The following XIRP2 variants were observed in gnomAD, a reference collection of about 807,000 sequenced individuals.
The protein encoded by XIRP2 is xin actin-binding repeat-containing protein 2.
In XIRP2, 236 loss-of-function variants were observed where a neutral mutation model predicts 277.0. That is an observed-to-expected ratio of 0.85 (90% CI 0.77 to 0.95). The LOEUF (loss-of-function observed/expected upper bound fraction) is 0.95, where lower values mean the gene tolerates loss of function less well. Among genes scored for constraint, XIRP2 ranks in the 40% least tolerant of loss-of-function variants. The pLI is 0.00. For synonymous variants in XIRP2, 1,490 were observed against 1,416.5 expected, an observed-to-expected ratio of 1.05 and a Z score of -1.17; for missense variants, 4,640 against 4,157.5, an observed-to-expected ratio of 1.12 and a Z score of -3.19.
intron 2 of XIRP2, among the ~76,000 whole-genome samples, chr2:167,030,064 C>G (rs563071833): frequency 6.6e-6 from 1 of 152,158 alleles, no homozygotes; most frequent in South Asian, 2.1e-4. Flanking sequence ...GTGATCTCCG[C>G]TTTATCATTT....
At position 166,976,824 on chromosome 2, in the gene XIRP2, T is replaced by A. The variant is rs112861770; in HGVS notation, c.408+72934T>A. On this transcript the variant is annotated intron_variant, in intron 2 of 10. Coordinates refer to ENST00000409195, the MANE Select transcript of XIRP2 (RefSeq NM_152381.6). The stretch of plus-strand genomic sequence containing the variant: ...TATATACCATTTCTGGGGCTCTCCA[T>A]TTCCTCCAAGACTTAAGTTTCCATA... 7.7e-4 allele frequency among the ~76,000 whole-genome samples: 118 copies of A among 152,326 alleles called. 2 individuals carry two copies. The highest frequency in any genetic ancestry group is 2.8e-3 in the African/African-American group (115 of 41,578).
At chr2:166,910,916 A>G (rs1355265273) in intron 2 of XIRP2, among the ~76,000 whole-genome samples, 3 of 152,156 alleles carry the variant, frequency 2.0e-5, no homozygotes, top group Non-Finnish European at 4.4e-5. Flanking sequence ...CATGTAGTTG[A>G]GCGGTTTTGA....
chr2:166,937,957 T>C (rs1685568244), intron 2 of XIRP2, among the ~76,000 whole-genome samples: 1 of 152,210 alleles, frequency 6.6e-6, no homozygotes, highest in Non-Finnish European at 1.5e-5. Context: ...TTTATCATTT[T>C]TTATTGGGTC....
At chr2:167,081,329 T>C (rs931429711) in intron 2 of XIRP2, among the ~76,000 whole-genome samples, 1 of 152,052 alleles carries the variant, frequency 6.6e-6, no homozygotes, top group African/African-American at 2.4e-5. Context: ...AAAAACTTAG[T>C]TGGGCCTGTA....
intron 2 of XIRP2, among the ~76,000 whole-genome samples, chr2:167,067,920 G>A (rs1431991732): frequency 1.3e-5 from 2 of 152,094 alleles, no homozygotes; most frequent in Admixed American, 6.6e-5. Flanking sequence ...ATATTCATGT[G>A]CAGATTATAA....
At chr2:167,213,360 T>A (rs1404378082) in intron 4 of XIRP2, among the ~76,000 whole-genome samples, 1 of 152,210 alleles carries the variant, frequency 6.6e-6, no homozygotes. Flanking sequence ...GTTTTAATTG[T>A]CAGGGCTGGA....
chr2:167,001,795 T>C (rs1164685132), intron 2 of XIRP2, among the ~76,000 whole-genome samples: 1 of 152,160 alleles, frequency 6.6e-6, no homozygotes, highest in Non-Finnish European at 1.5e-5. Flanking sequence ...CCTGTGACTT[T>C]ATAATTCTCT....
intron 5 of XIRP2, among the ~76,000 whole-genome samples, chr2:167,231,257 G>C (rs1044794913): frequency 1.3e-5 from 2 of 151,832 alleles, no homozygotes; most frequent in African/African-American, 4.8e-5. Context: ...AAACTCAGAG[G>C]GACACTGAAA....
At chr2:167,091,979 C>A (rs371761650) in intron 2 of XIRP2, among the ~76,000 whole-genome samples, 18 of 152,094 alleles carry the variant, frequency 1.2e-4, no homozygotes, top group Admixed American at 7.9e-4. Flanking sequence ...ATAAAAGCAA[C>A]ACCAAATGTG....
chr2:167,087,407 C>T lies in XIRP2; in HGVS notation c.409-48502C>T, dbSNP rs567054486. 4.5e-3 allele frequency among the ~76,000 whole-genome samples: 683 copies of T among 151,888 alleles called. 4 individuals are homozygous for T. Among genetic ancestry groups the T allele is most frequent in the South Asian group, 0.013 (63 of 4,824 alleles). ...ACTGCTGTCTTTTTGTTTGTCTGTG[C>T]CCTGCCCCACAGGTGGAGCCTACAG... On this transcript the variant is annotated intron_variant, in intron 2 of 10. Transcript: ENST00000409195.
At chr2:166,910,775 C>A (rs559122602) in intron 2 of XIRP2, among the ~76,000 whole-genome samples, 25 of 152,316 alleles carry the variant, frequency 1.6e-4, no homozygotes, top group South Asian at 6.2e-4. Flanking sequence ...CCTCTACACA[C>A]TGCTTTGAAT....
At chr2:167,078,548 A>G (rs1387205286) in intron 2 of XIRP2, among the ~76,000 whole-genome samples, 2 of 151,456 alleles carry the variant, frequency 1.3e-5, no homozygotes, top group Non-Finnish European at 2.9e-5. Flanking sequence ...CTTTAACGGC[A>G]AAAACTGGCC....
At chr2:167,021,437 C>T (rs1052977061) in intron 2 of XIRP2, among the ~76,000 whole-genome samples, 1 of 152,070 alleles carries the variant, frequency 6.6e-6, no homozygotes, top group Non-Finnish European at 1.5e-5. Context: ...CGTGCAAAAA[C>T]TATTTTTAGT....
intron 2 of XIRP2, among the ~76,000 whole-genome samples, chr2:167,094,160 G>T (rs996424714): frequency 1.3e-5 from 2 of 151,426 alleles, no homozygotes; most frequent in Non-Finnish European, 2.9e-5. Flanking sequence ...TACTTGATGG[G>T]GTTGTTTGTT....
intron 2 of XIRP2, among the ~76,000 whole-genome samples, chr2:167,096,893 C>T (rs568484504): frequency 6.6e-6 from 1 of 152,232 alleles, no homozygotes; most frequent in African/African-American, 2.4e-5. Context: ...CATTTGATTG[C>T]ACTGTGGTCT....
intron 2 of XIRP2, among the ~76,000 whole-genome samples, chr2:167,027,342 C>T (rs900524733): frequency 3.9e-5 from 6 of 152,116 alleles, no homozygotes; most frequent in South Asian, 2.1e-4. Flanking sequence ...CAAGCCTTGG[C>T]TTTCAGCTCC....
At chr2:167,124,949 A>G (rs1470619382) in intron 2 of XIRP2, among the ~76,000 whole-genome samples, 1 of 152,162 alleles carries the variant, frequency 6.6e-6, no homozygotes, top group African/African-American at 2.4e-5. Flanking sequence ...CCACCAGTCT[A>G]AAGGTAAAAG....
intron 2 of XIRP2, among the ~76,000 whole-genome samples, chr2:167,120,684 C>A (rs1411760130): frequency 6.6e-6 from 1 of 152,000 alleles, no homozygotes; most frequent in Non-Finnish European, 1.5e-5. Context: ...GCGTGGACAG[C>A]CAGAAGCTTC....
At chr2:166,910,337 T>A (rs1328179948) in intron 2 of XIRP2, among the ~76,000 whole-genome samples, 1 of 152,186 alleles carries the variant, frequency 6.6e-6, no homozygotes, top group Non-Finnish European at 1.5e-5. Flanking sequence ...TGGTTTAGTC[T>A]TGGGAGGGTG....
Sources: gnomAD v4.1 joint callset for allele counts (sites outside exome capture counted in the v4.1 genomes callset) on GRCh38, gnomAD v4.1.1 for gene constraint, MANE v1.5 for transcripts, NCBI Gene and HGNC (gene_info 2026-07-23, HGNC 2026-07-21) for gene names.